The following CALN1 variants were observed in gnomAD, a reference collection of about 807,000 sequenced individuals.
CALN1 encodes the protein calcium-binding protein 8.
CALN1 carries 17 observed loss-of-function variants against 30.6 expected under a neutral mutation model. The observed-to-expected ratio is 0.56, with a 90% CI of 0.38 to 0.83. The LOEUF (loss-of-function observed/expected upper bound fraction) is 0.83. Ranked by LOEUF, CALN1 falls within the 40% of genes least tolerant of loss-of-function variation. The pLI, the probability that CALN1 is intolerant of heterozygous loss-of-function variation, is 0.00. For missense variants in CALN1, 291 were observed against 354.9 expected, an observed-to-expected ratio of 0.82 and a Z score of 1.45; for synonymous variants, 156 against 131.4, an observed-to-expected ratio of 1.19 and a Z score of -1.28.
At chr7:71,999,714 C>T (rs753927275) in intron 5 of CALN1, among the ~76,000 whole-genome samples, 3 of 151,920 alleles carry the variant, frequency 2.0e-5, no homozygotes, top group Non-Finnish European at 2.9e-5. Context: ...CAGGTTTTGC[C>T]GTCGGCCAGG....
At chr7:72,433,353 T>G (rs1325736465) in intron 1 of CALN1, among the ~76,000 whole-genome samples, 1 of 152,104 alleles carries the variant, frequency 6.6e-6, no homozygotes, top group Non-Finnish European at 1.5e-5. Context: ...CTGTGCTATA[T>G]AAACAGGAAC....
chr7:72,267,224 CG>C (rs1796655323), intron 3 of CALN1, among the ~76,000 whole-genome samples: 1 of 152,094 alleles, frequency 6.6e-6, no homozygotes, highest in African/African-American at 2.4e-5. Flanking sequence ...CCGGCAAAAA[CG>C]GGATAAAACA....
At chr7:72,010,105 C>A (rs1237290197) in intron 5 of CALN1, among the ~76,000 whole-genome samples, 1 of 152,128 alleles carries the variant, frequency 6.6e-6, no homozygotes, top group East Asian at 1.9e-4. Context: ...CTAAGAAAAT[C>A]ACTGGAAAAA....
intron 4 of CALN1, among the ~76,000 whole-genome samples, chr7:72,063,885 T>A (rs909987885): frequency 3.9e-5 from 6 of 151,958 alleles, no homozygotes; most frequent in African/African-American, 1.5e-4. Flanking sequence ...ATCCAAACAC[T>A]TCTGGTCCCA....
At chr7:72,454,573 G>A in the CALN1 span, among the ~76,000 whole-genome samples, 2 of 152,004 alleles carry the variant, frequency 1.3e-5, no homozygotes, top group African/African-American at 2.4e-5. Context: ...CTTATAGAAA[G>A]CGATTGGCAG....
In CALN1 at chr7:71,904,471, T is replaced by C. The variant is rs1313364294; in HGVS notation, c.502-93979A>G. On this transcript the variant is annotated intron_variant, in intron 5 of 6. Coordinates refer to ENST00000395275, the MANE Select transcript of CALN1 (RefSeq NM_031468.4). ...AAAGACAAATACCAAATAATCTCACTTACATGTGAAATCTAAAAATGTTTA... is the reference window on the plus strand; with the variant it reads ...AAAGACAAATACCAAATAATCTCACCTACATGTGAAATCTAAAAATGTTTA... Among the ~76,000 whole-genome samples, 4 of 152,298 alleles carry C rather than the reference T, an allele frequency of 2.6e-5. No homozygotes were observed. In the East Asian group the frequency reaches 5.8e-4, roughly 22 times the overall value.
At chr7:71,841,705 A>G (rs1182547210) in intron 5 of CALN1, among the ~76,000 whole-genome samples, 2 of 152,190 alleles carry the variant, frequency 1.3e-5, no homozygotes, top group Non-Finnish European at 2.9e-5. Context: ...CTGCAGCCAC[A>G]TGGATGCAGC....
intron 3 of CALN1, among the ~76,000 whole-genome samples, chr7:72,238,072 C>G (rs145339321): frequency 6.6e-6 from 1 of 152,138 alleles, no homozygotes; most frequent in African/African-American, 2.4e-5. Flanking sequence ...AGAAGACAGC[C>G]GGGTTCACCA....
chr7:72,046,276 C>T (rs928808317), intron 4 of CALN1, among the ~76,000 whole-genome samples: 13 of 151,998 alleles, frequency 8.6e-5, no homozygotes, highest in African/African-American at 3.1e-4. Flanking sequence ...TTTTTCTTGC[C>T]CAGGCCGGAG....
chr7:72,398,467 A>AT (rs1434877910), intron 2 of CALN1, among the ~76,000 whole-genome samples: 3 of 152,250 alleles, frequency 2.0e-5, no homozygotes, highest in African/African-American at 7.2e-5. Context: ...TTTAGATCAC[A>AT]TATCAATAGT....
chr7:72,369,321 AAT>A (rs1216986582), intron 2 of CALN1, among the ~76,000 whole-genome samples: 6 of 136,940 alleles, frequency 4.4e-5, no homozygotes, highest in South Asian at 2.1e-4. Flanking sequence ...AAATATTTAT[AAT>A]ATATATAATT....
At chr7:72,387,210 G>T (rs1805262642) in intron 2 of CALN1, among the ~76,000 whole-genome samples, 1 of 115,080 alleles carries the variant, frequency 8.7e-6, no homozygotes, top group African/African-American at 3.2e-5. Flanking sequence ...GGGAGGGAGG[G>T]AAGGAAGGAA....
chr7:71,824,385 TG>T (rs1256526523), intron 5 of CALN1, among the ~76,000 whole-genome samples: 2 of 152,194 alleles, frequency 1.3e-5, no homozygotes, highest in African/African-American at 4.8e-5. Context: ...CCGTGTTGCA[TG>T]GAAAAAGCAG....
At chr7:72,417,722 G>A (rs1807467022) in intron 1 of CALN1, among the ~76,000 whole-genome samples, 1 of 152,194 alleles carries the variant, frequency 6.6e-6, no homozygotes, top group African/African-American at 2.4e-5. Flanking sequence ...TGAGAAAGAA[G>A]AGGAGTCCAT....
chr7:72,299,913 T>C (rs1365913604), intron 2 of CALN1, among the ~76,000 whole-genome samples: 1 of 152,140 alleles, frequency 6.6e-6, no homozygotes, highest in African/African-American at 2.4e-5. Flanking sequence ...GTTGTTTTTT[T>C]CTGAGACGGA....
chr7:71,848,854 T>C (rs1246707472), intron 5 of CALN1, among the ~76,000 whole-genome samples: 1 of 152,190 alleles, frequency 6.6e-6, no homozygotes, highest in Non-Finnish European at 1.5e-5. Flanking sequence ...CAGTCAACTA[T>C]TCAGTTTACC....
chr7:72,147,596 G>T (rs1222682914), intron 3 of CALN1, among the ~76,000 whole-genome samples: 2 of 151,822 alleles, frequency 1.3e-5, no homozygotes, highest in Non-Finnish European at 2.9e-5. Context: ...TCCCATTACT[G>T]GGTATATACC....
At chr7:71,807,710 A>AG (rs1562796911) in intron 6 of CALN1, among the ~76,000 whole-genome samples, 1 of 151,810 alleles carries the variant, frequency 6.6e-6, no homozygotes, top group East Asian at 1.9e-4. Context: ...GATGCTGAGG[A>AG]GGGGGAATCA....
At chr7:71,971,693 T>C (rs1797808918) in intron 5 of CALN1, among the ~76,000 whole-genome samples, 1 of 151,500 alleles carries the variant, frequency 6.6e-6, no homozygotes, top group African/African-American at 2.4e-5. Flanking sequence ...AGCCTGGGAC[T>C]TTGAGAACAG....
Sources: allele counts gnomAD v4.1 joint callset (sites outside exome capture counted in the v4.1 genomes callset), GRCh38; gene constraint gnomAD v4.1.1; transcripts MANE v1.5; gene names NCBI Gene and HGNC (gene_info 2026-07-23, HGNC 2026-07-21).